COL4A3: variants seen among roughly 807,000 people sequenced by gnomAD.
COL4A3 encodes collagen type IV alpha 3 chain, also known as collagen alpha-3(IV) chain.
In COL4A3, 135 loss-of-function variants were observed where a neutral mutation model predicts 217.4. The observed-to-expected ratio is 0.62, with a 90% CI of 0.54 to 0.72. COL4A3 has a LOEUF of 0.72. COL4A3 is among the 30% of genes least tolerant of loss of function. The pLI, the probability that COL4A3 is intolerant of heterozygous loss-of-function variation, is 0.00. For missense variants in COL4A3, 1,868 were observed against 2,119.9 expected (o/e 0.88, Z 2.33); for synonymous variants, 690 against 736.3 (o/e 0.94, Z 1.02).
At position 227,289,801 on chromosome 2, in the gene COL4A3, A is replaced by C. The variant is rs59951397; in HGVS notation, c.2981-198A>C. On this transcript the variant is annotated intron_variant, in intron 35 of 51. Transcript: ENST00000396578. ...TTGAAACCCAGGTCTGCTAACGAGA[A>C]TCTAACTTTCTTTAGTTTTCCATGT... 0.022 allele frequency among the ~76,000 whole-genome samples: 3,374 copies of C among 152,246 alleles called. 117 individuals carry two copies. The highest frequency in any genetic ancestry group is 0.077 in the African/African-American group (3,217 of 41,528).
intron 1 of COL4A3, among the ~76,000 whole-genome samples, chr2:227,223,557 GAC>G: frequency 9.0e-6 from 1 of 110,608 alleles, no homozygotes; most frequent in African/African-American, 2.9e-5. Flanking sequence ...AACATGGTGA[GAC>G]GCCCCCCCAA....
In COL4A3 at chr2:227,303,885, G is replaced by A. The variant is rs1168289818; in HGVS notation, c.3982G>A (p.Gly1328Arg). 1 of 1,614,100 alleles carries A rather than the reference G, an allele frequency of 6.2e-7. No homozygotes were observed. Among genetic ancestry groups the A allele is most frequent in the Non-Finnish European group, 8.5e-7 (1 of 1,179,992 alleles). Residue 1328 changes from glycine (G) to arginine (R), a missense_variant, in exon 45 of 52, where the codon GGA (glycine) becomes AGA (arginine). Coordinates refer to ENST00000396578, the MANE Select transcript of COL4A3 (RefSeq NM_000091.5). ...AGAAAAGGGTAATCCTGGATTTCTA[G>A]GATCCATTGGACCTCCAGGACCAAT... is the stretch of plus-strand genomic sequence containing the variant. ...KGEKGNPGFL[G>R]SIGPPGPIGP...
chr2:227,208,650 C>T (rs995171399), intron 1 of COL4A3, among the ~76,000 whole-genome samples: 3 of 151,978 alleles, frequency 2.0e-5, no homozygotes, highest in Non-Finnish European at 2.9e-5. Context: ...ATGAATATTC[C>T]GTCTCCTGCA....
At position 227,244,728 on chromosome 2, in the gene COL4A3, A is replaced by T. The variant is rs1453454924; in HGVS notation, c.280-223A>T. ...TGTACCTTAGGAATCGATCCAAAAA[A>T]GCCAAAAATAATCTTAATGATATCT... On this transcript the variant is annotated intron_variant, in intron 4 of 51. Coordinates refer to ENST00000396578, the MANE Select transcript of COL4A3 (RefSeq NM_000091.5). The T allele has an allele frequency of 1.1e-5, 8 of 720,664 alleles. No individual in the cohort carries two copies. In the Admixed American group the frequency reaches 1.6e-4, roughly 15 times the overall value. The allele number at this position is 720,664 out of a possible 1,614,324, so 44.6% of individuals were successfully genotyped here.
At chr2:227,173,648 T>A (rs2065572136) in intron 1 of COL4A3, among the ~76,000 whole-genome samples, 1 of 152,210 alleles carries the variant, frequency 6.6e-6, no homozygotes. Flanking sequence ...ACAAGCCTCA[T>A]ATGTCATTTT....
intron 1 of COL4A3, among the ~76,000 whole-genome samples, chr2:227,199,600 A>T (rs1427247024): frequency 6.6e-6 from 1 of 152,174 alleles, no homozygotes; most frequent in African/African-American, 2.4e-5. Context: ...CAAGGTCAGG[A>T]TTAATCCCTT....
chr2:227,231,438 G>A (rs1490511535), intron 1 of COL4A3, among the ~76,000 whole-genome samples: 1 of 152,104 alleles, frequency 6.6e-6, no homozygotes, highest in Non-Finnish European at 1.5e-5. Context: ...TTTGATACAG[G>A]CATGCAATAT....
intron 1 of COL4A3, among the ~76,000 whole-genome samples, chr2:227,219,458 T>C (rs1174148974): frequency 1.3e-5 from 2 of 152,246 alleles, no homozygotes; most frequent in African/African-American, 2.4e-5. Flanking sequence ...CAAAGACTTT[T>C]GTTAATTCCC....
intron 37 of COL4A3, among the ~76,000 whole-genome samples, chr2:227,291,580 CAAAAAAAAAAAACAAAAA>C (rs1242409390): frequency 4.4e-4 from 14 of 31,598 alleles, no homozygotes; most frequent in East Asian, 4.3e-3. Context: ...AAAAAAAAAA[CAAAAAAAAAAAACAAAAA>C]AAAAAACACT....
intron 20 of COL4A3, among the ~76,000 whole-genome samples, chr2:227,263,182 C>T (rs868379319): frequency 6.6e-5 from 10 of 152,294 alleles, no homozygotes; most frequent in African/African-American, 1.2e-4. Flanking sequence ...GATATTACCC[C>T]GGCTGGTTTC....
intron 1 of COL4A3, among the ~76,000 whole-genome samples, chr2:227,186,529 A>G (rs1048234263): frequency 4.6e-5 from 7 of 152,176 alleles, no homozygotes; most frequent in Non-Finnish European, 1.0e-4. Flanking sequence ...CTGAAATTAG[A>G]GTTACAAAGT....
chr2:227,291,542 G>A (rs1247685312), intron 37 of COL4A3, among the ~76,000 whole-genome samples: 2 of 109,128 alleles, frequency 1.8e-5, no homozygotes, highest in African/African-American at 7.6e-5. Context: ...CAACCTGGGA[G>A]ACACAGCGAG....
chr2:227,234,543 T>A (rs902008019), intron 1 of COL4A3, among the ~76,000 whole-genome samples: 3 of 152,200 alleles, frequency 2.0e-5, no homozygotes, highest in African/African-American at 4.8e-5. Context: ...CAGCTGTCCA[T>A]CCACTGATTC....
At position 227,253,742 on chromosome 2, in the gene COL4A3, T is replaced by C. The variant is rs1365081843; in HGVS notation, c.765+104T>C. On this transcript the variant is annotated intron_variant, in intron 13 of 51. Coordinates refer to ENST00000396578, the MANE Select transcript of COL4A3 (RefSeq NM_000091.5). This position sits in a 1 kb window ranked among gnomAD's most constrained non-coding sequence, Gnocchi z 4.4. ...CAAGCTCTTGTTATCTAAGTCCAGCTCAGCCCAGCTCCCTCAGCCAGCCAG... is the reference window on the plus strand; with the variant it reads ...CAAGCTCTTGTTATCTAAGTCCAGCCCAGCCCAGCTCCCTCAGCCAGCCAG... 9 of 997,394 alleles carry C rather than the reference T, an allele frequency of 9.0e-6. No individual in the cohort carries two copies. Among genetic ancestry groups the C allele is most frequent in the Non-Finnish European group, 3.2e-6 (2 of 619,884 alleles). 61.8% of individuals were successfully genotyped at this position (997,394 alleles called of 1,614,324 possible).
At chr2:227,245,806 T>C (rs1036049641) in intron 5 of COL4A3, 148 bp from the exon 6 acceptor site, 7 of 718,854 alleles carry the variant, frequency 9.7e-6, no homozygotes, top group Non-Finnish European at 1.8e-5. Flanking sequence ...ACTGAAATTA[T>C]ATGTAAAACC....
intron 1 of COL4A3, among the ~76,000 whole-genome samples, chr2:227,182,666 A>G (rs1397374267): frequency 6.6e-6 from 1 of 152,226 alleles, no homozygotes; most frequent in African/African-American, 2.4e-5. Flanking sequence ...AATAGATTAT[A>G]TAATAGCTAT....
At chr2:227,308,284 C>A (rs1029796646) in intron 48 of COL4A3, among the ~76,000 whole-genome samples, 1 of 152,206 alleles carries the variant, frequency 6.6e-6, no homozygotes, top group African/African-American at 2.4e-5. Context: ...GCAATCATGG[C>A]TCACTGCAGC....
At chr2:227,234,698 T>C (rs925561721) in intron 1 of COL4A3, among the ~76,000 whole-genome samples, 4 of 152,170 alleles carry the variant, frequency 2.6e-5, no homozygotes, top group East Asian at 1.9e-4. Flanking sequence ...AGAGGCTCAA[T>C]GGGAGTGTAT....
intron 1 of COL4A3, among the ~76,000 whole-genome samples, chr2:227,204,912 C>T (rs933322612): frequency 1.1e-4 from 17 of 152,130 alleles, no homozygotes; most frequent in South Asian, 2.1e-4. Context: ...TGGTCATATG[C>T]GTGGGCACAT....
Sources: gnomAD v4.1 joint callset for allele counts (sites outside exome capture counted in the v4.1 genomes callset) on GRCh38, gnomAD v4.1.1 for gene constraint, Gnocchi (gnomAD v3.1) non-coding constraint, MANE v1.5 for transcripts, NCBI Gene and HGNC (gene_info 2026-07-23, HGNC 2026-07-21) for gene names.